The following XIRP2 variants were observed in gnomAD, a reference collection of about 807,000 sequenced individuals.
XIRP2 encodes the protein xin actin binding repeat containing 2, also known as xin actin-binding repeat-containing protein 2.
A neutral mutation model predicts 277.0 loss-of-function variants in XIRP2; 236 were observed. The ratio of observed to expected loss-of-function variants is 0.85; its 90% CI spans 0.77 to 0.95. The LOEUF (loss-of-function observed/expected upper bound fraction) is 0.95, where lower values mean the gene tolerates loss of function less well. Among genes scored for constraint, XIRP2 ranks in the 40% least tolerant of loss-of-function variants. The pLI, the probability that XIRP2 is intolerant of heterozygous loss-of-function variation, is 0.00. For missense variants in XIRP2, 4,640 were observed against 4,157.5 expected, an observed-to-expected ratio of 1.12 and a Z score of -3.19; for synonymous variants, 1,490 against 1,416.5, an observed-to-expected ratio of 1.05 and a Z score of -1.17.
chr2:167,012,052 T>G (rs982408071), intron 2 of XIRP2, among the ~76,000 whole-genome samples: 3 of 151,198 alleles, frequency 2.0e-5, no homozygotes, highest in African/African-American at 7.2e-5. Flanking sequence ...TTTTGAAGGG[T>G]TTTTTCCTTC....
chr2:167,064,600 A>G (rs1373126244), intron 2 of XIRP2, among the ~76,000 whole-genome samples: 3 of 151,826 alleles, frequency 2.0e-5, no homozygotes, highest in Non-Finnish European at 3.0e-5. Flanking sequence ...TTTGCAACCA[A>G]TCCCCAGAAC....
intron 3 of XIRP2, chr2:167,187,344 T>C (rs1693186113): frequency 2.0e-6 from 2 of 985,310 alleles, no homozygotes; most frequent in African/African-American, 1.7e-5. Flanking sequence ...TCTGCTAAAA[T>C]AAATTCAGCC....
intron 3 of XIRP2, among the ~76,000 whole-genome samples, chr2:167,195,139 T>G (rs1029546886): frequency 5.9e-5 from 9 of 152,166 alleles, no homozygotes; most frequent in African/African-American, 2.2e-4. Flanking sequence ...TCAGCTCAAA[T>G]TAAATTACTC....
rs997099651 is a variant in XIRP2, at chr2:167,061,694, T to C, written c.409-74215T>C. Among the ~76,000 whole-genome samples, 11 of 152,120 alleles carry C rather than the reference T, an allele frequency of 7.2e-5. No individual in the cohort carries two copies. The East Asian group carries it at 1.2e-3, about 16-fold the overall frequency. ...TCTTTATAAGAAGAAAGGAGACACATAGACAAACACAGAGAAAGCCATTTG... is the reference window on the plus strand; with the variant it reads ...TCTTTATAAGAAGAAAGGAGACACACAGACAAACACAGAGAAAGCCATTTG... On this transcript the variant is annotated intron_variant, in intron 2 of 10. Coordinates refer to ENST00000409195, the MANE Select transcript of XIRP2 (RefSeq NM_152381.6).
At chr2:167,115,865 T>C (rs1045227375) in intron 2 of XIRP2, among the ~76,000 whole-genome samples, 55 of 152,296 alleles carry the variant, frequency 3.6e-4, no homozygotes, top group African/African-American at 1.1e-3. Context: ...TTTTTAAAAT[T>C]TTCTTTGAGA....
chr2:167,141,114 A>G (rs1681314692), intron 3 of XIRP2, among the ~76,000 whole-genome samples: 1 of 152,204 alleles, frequency 6.6e-6, no homozygotes, highest in African/African-American at 2.4e-5. Context: ...GCCATTGAAG[A>G]AAGATAACAA....
intron 3 of XIRP2, among the ~76,000 whole-genome samples, chr2:167,175,408 G>T (rs1234649947): frequency 6.6e-6 from 1 of 152,120 alleles, no homozygotes; most frequent in Non-Finnish European, 1.5e-5. Context: ...CTGCAGGTGT[G>T]CTGGAGTTTG....
At chr2:167,203,006 C>A (rs991944827) in intron 3 of XIRP2, among the ~76,000 whole-genome samples, 2 of 152,288 alleles carry the variant, frequency 1.3e-5, no homozygotes, top group East Asian at 3.9e-4. Flanking sequence ...CCATTTCAGT[C>A]ATTGCATCTC....
intron 2 of XIRP2, among the ~76,000 whole-genome samples, chr2:167,051,815 G>T (rs1047879934): frequency 1.3e-5 from 2 of 152,060 alleles, no homozygotes. Flanking sequence ...CCCTCCGAAT[G>T]ATTCAGTAAG....
At chr2:167,095,213 G>A (rs1690266375) in intron 2 of XIRP2, among the ~76,000 whole-genome samples, 1 of 152,274 alleles carries the variant, frequency 6.6e-6, no homozygotes, top group South Asian at 2.1e-4. Flanking sequence ...GGAGTTTTGG[G>A]CTGAGATGAT....
chr2:166,968,474 G>T (rs1042266709), intron 2 of XIRP2, among the ~76,000 whole-genome samples: 1 of 151,950 alleles, frequency 6.6e-6, no homozygotes, highest in East Asian at 1.9e-4. Context: ...AAGAACTAAA[G>T]AATTCGACAT....
chr2:167,136,157 T>C, intron 3 of XIRP2, 95 bp downstream of exon 3: 1 of 1,280,050 alleles, frequency 7.8e-7, no homozygotes. Flanking sequence ...GTTTAAAAAT[T>C]AGTAAGGAAA....
chr2:166,934,743 T>G (rs1413605142), intron 2 of XIRP2, among the ~76,000 whole-genome samples: 12 of 152,156 alleles, frequency 7.9e-5, no homozygotes, highest in Admixed American at 3.3e-4. Flanking sequence ...CTGGGTGTGG[T>G]GGCTCACACC....
At chr2:167,072,616 T>A (rs1689464110) in intron 2 of XIRP2, among the ~76,000 whole-genome samples, 1 of 152,202 alleles carries the variant, frequency 6.6e-6, no homozygotes, top group Non-Finnish European at 1.5e-5. Context: ...AGGCACTCAA[T>A]AAATACTTCA....
intron 3 of XIRP2, among the ~76,000 whole-genome samples, chr2:167,177,217 A>G (rs1208405330): frequency 6.6e-6 from 1 of 152,218 alleles, no homozygotes; most frequent in Non-Finnish European, 1.5e-5. Context: ...TAAAGATGAA[A>G]ACAATAATTG....
intron 2 of XIRP2, among the ~76,000 whole-genome samples, chr2:167,052,975 A>G (rs1688952448): frequency 6.6e-6 from 1 of 152,206 alleles, no homozygotes; most frequent in Non-Finnish European, 1.5e-5. Flanking sequence ...GCCTTGGCCT[A>G]TGTATTTAAA....
intron 2 of XIRP2, among the ~76,000 whole-genome samples, chr2:166,913,320 C>CT (rs1553469505): frequency 6.6e-6 from 1 of 151,276 alleles, no homozygotes; most frequent in African/African-American, 2.4e-5. Context: ...ACCCCCCCCC[C>CT]CCAGCCTCGC....
At chr2:167,120,503 TA>T (rs1691026437) in intron 2 of XIRP2, among the ~76,000 whole-genome samples, 1 of 152,176 alleles carries the variant, frequency 6.6e-6, no homozygotes, top group African/African-American at 2.4e-5. Flanking sequence ...TTTAAATAAT[TA>T]TTCGAATGAT....
chr2:167,220,282 G>A (rs1694382648), intron 5 of XIRP2, among the ~76,000 whole-genome samples: 1 of 152,076 alleles, frequency 6.6e-6, no homozygotes, highest in African/African-American at 2.4e-5. Context: ...AGATATTGGA[G>A]CTAGGTCATT....
Sources: gnomAD v4.1 joint callset for allele counts (sites outside exome capture counted in the v4.1 genomes callset) on GRCh38, gnomAD v4.1.1 for gene constraint, MANE v1.5 for transcripts, NCBI Gene and HGNC (gene_info 2026-07-23, HGNC 2026-07-21) for gene names.